Variants in RAP1GAP2 observed in about 807,000 individuals in gnomAD.
The protein encoded by RAP1GAP2 is rap1 GTPase-activating protein 2.
A neutral mutation model predicts 95.0 loss-of-function variants in RAP1GAP2; 27 were observed. The observed-to-expected ratio is 0.28, with a 90% confidence interval of 0.21 to 0.39. The LOEUF is 0.39. Ranked by LOEUF, RAP1GAP2 falls within the 10% of genes least tolerant of loss-of-function variation. The pLI, the probability that RAP1GAP2 is intolerant of heterozygous loss-of-function variation, is 1.00. For synonymous variants in RAP1GAP2, 373 were observed against 380.9 expected, an observed-to-expected ratio of 0.98 and a Z score of 0.24; for missense variants, 771 against 970.0, an observed-to-expected ratio of 0.79 and a Z score of 2.72.
intron 11 of RAP1GAP2, among the ~76,000 whole-genome samples, chr17:2,986,270 A>G (rs904969315): frequency 2.0e-5 from 3 of 152,238 alleles, no homozygotes; most frequent in Non-Finnish European, 2.9e-5. Context: ...ACGAACACTG[A>G]TGAATCTTAT....
chr17:2,860,668 A>G (rs2072346806), intron 2 of RAP1GAP2, among the ~76,000 whole-genome samples: 1 of 130,328 alleles, frequency 7.7e-6, no homozygotes, highest in Admixed American at 1.0e-4. Flanking sequence ...CAGTGGCGCG[A>G]TCTCAGCTCA....
chr17:2,926,768 G>T (rs1036558205), intron 3 of RAP1GAP2, among the ~76,000 whole-genome samples: 1 of 151,904 alleles, frequency 6.6e-6, no homozygotes, highest in Non-Finnish European at 1.5e-5. Context: ...ACTTTGAGAG[G>T]CCGAGGCGGG....
At chr17:2,790,404 C>G (rs1282900428) in intron 1 of RAP1GAP2, among the ~76,000 whole-genome samples, 1 of 152,150 alleles carries the variant, frequency 6.6e-6, no homozygotes, top group East Asian at 1.9e-4. Flanking sequence ...CAGGCGTGAG[C>G]CACCGCACCC....
In RAP1GAP2 at chr17:2,800,147, G is replaced by A. The variant is rs555038581; in HGVS notation, c.45-368G>A. 4 of 984,190 alleles carry A rather than the reference G, an allele frequency of 4.1e-6. No homozygotes were observed. In the Admixed American group the frequency reaches 2.5e-4, roughly 60 times the overall value. The allele number at this position is 984,190 out of a possible 1,614,324, so 61.0% of individuals were successfully genotyped here. A position where few individuals can be genotyped will look rare whatever the true frequency, so the allele number is the denominator to read the frequency against. ...CTGACCCCTGAAGCCGGGTTGCTGG[G>A]TTCTCTTGCGAGGGTAGCCGTAATA... On this transcript the variant is annotated intron_variant, in intron 1 of 24. Transcript: ENST00000254695.
upstream of RAP1GAP2, among the ~76,000 whole-genome samples, chr17:2,774,806 C>T (rs2068462081): frequency 2.1e-5 from 3 of 141,098 alleles, no homozygotes; most frequent in South Asian, 7.3e-4. Context: ...TACCTGGCCT[C>T]CCTGCTATCC....
At chr17:2,837,649 C>T (rs1319580794) in intron 2 of RAP1GAP2, among the ~76,000 whole-genome samples, 1 of 144,992 alleles carries the variant, frequency 6.9e-6, no homozygotes, top group Non-Finnish European at 1.5e-5. Context: ...CTCAGTTGCC[C>T]AGGCTGGAGT....
intron 17 of RAP1GAP2, among the ~76,000 whole-genome samples, chr17:3,011,003 T>A (rs981732427): frequency 3.3e-5 from 5 of 152,158 alleles, no homozygotes; most frequent in African/African-American, 1.2e-4. Context: ...CTTGGCTCAC[T>A]GCAACCTCTG....
intron 10 of RAP1GAP2, among the ~76,000 whole-genome samples, chr17:2,982,201 G>A (rs748028398): frequency 2.0e-5 from 3 of 152,144 alleles, no homozygotes; most frequent in Non-Finnish European, 4.4e-5. Flanking sequence ...GTGCAGTGGC[G>A]TGATCTTGGC....
chr17:2,781,205 G>C (rs1375394596), intron 1 of RAP1GAP2, among the ~76,000 whole-genome samples: 1 of 152,216 alleles, frequency 6.6e-6, no homozygotes, highest in Non-Finnish European at 1.5e-5. Flanking sequence ...CCTCCTTCTT[G>C]GACCATGCTG....
chr17:2,919,041 C>T (rs532572901), intron 3 of RAP1GAP2, among the ~76,000 whole-genome samples: 5 of 152,190 alleles, frequency 3.3e-5, no homozygotes, highest in East Asian at 1.9e-4. Context: ...TTTGTCAGGA[C>T]GCCCTGATTT....
At chr17:2,974,152 T>C (rs942138294) in intron 8 of RAP1GAP2, among the ~76,000 whole-genome samples, 2 of 146,188 alleles carry the variant, frequency 1.4e-5, no homozygotes, top group African/African-American at 5.1e-5. Context: ...CCATCCTGGC[T>C]AATACGGTGA....
chr17:2,901,082 AG>A (rs2151721685), intron 2 of RAP1GAP2, among the ~76,000 whole-genome samples: 1 of 152,320 alleles, frequency 6.6e-6, no homozygotes, highest in East Asian at 1.9e-4. Context: ...CTTCCACTCC[AG>A]GCCCCTTTGA....
intron 9 of RAP1GAP2, 99 bp from the exon 10 acceptor site, chr17:2,981,096 T>C: frequency 4.5e-6 from 5 of 1,121,850 alleles, no homozygotes; most frequent in Non-Finnish European, 6.5e-6. Flanking sequence ...CTGACCCATG[T>C]GCCTCGCCCT....
intron 2 of RAP1GAP2, among the ~76,000 whole-genome samples, chr17:2,807,419 C>G (rs1472282431): frequency 6.6e-6 from 1 of 152,158 alleles, no homozygotes; most frequent in Non-Finnish European, 1.5e-5. Flanking sequence ...TTGTCAAGGA[C>G]AGGGGGAGCT....
At chr17:2,791,973 C>T (rs2068937459), upstream of RAP1GAP2, among the ~76,000 whole-genome samples, 1 of 151,772 alleles carries the variant, frequency 6.6e-6, no homozygotes, top group Non-Finnish European at 1.5e-5. Flanking sequence ...GATTCTCCTG[C>T]CTCAGCCTTC....
chr17:2,922,397 G>A (rs759186037), intron 3 of RAP1GAP2, among the ~76,000 whole-genome samples: 2 of 152,142 alleles, frequency 1.3e-5, no homozygotes, highest in Non-Finnish European at 2.9e-5. Context: ...TCCGAATAAG[G>A]TTACACACTC....
chr17:2,854,131 C>T (rs1359985506), intron 2 of RAP1GAP2: 2 of 985,332 alleles, frequency 2.0e-6, no homozygotes, highest in African/African-American at 1.7e-5. Context: ...GGCCGCTTCC[C>T]TCCGCTCTCC....
At chr17:2,941,343 G>C (rs1275057614) in intron 3 of RAP1GAP2, among the ~76,000 whole-genome samples, 1 of 152,084 alleles carries the variant, frequency 6.6e-6, no homozygotes, top group African/African-American at 2.4e-5. Context: ...TGGAAGCGGA[G>C]GTTGTGGTGA....
At chr17:2,856,943 T>C (rs1597449301) in intron 2 of RAP1GAP2, among the ~76,000 whole-genome samples, 1 of 152,178 alleles carries the variant, frequency 6.6e-6, no homozygotes, top group Admixed American at 6.5e-5. Flanking sequence ...TGGAGTTTCT[T>C]TGTCTCTTTA....
Sources: gnomAD v4.1 joint callset for allele counts (sites outside exome capture counted in the v4.1 genomes callset) on GRCh38, gnomAD v4.1.1 for gene constraint, MANE v1.5 for transcripts, NCBI Gene and HGNC (gene_info 2026-07-23, HGNC 2026-07-21) for gene names.